The following ARHGAP24 variants were observed in gnomAD, a reference collection of about 807,000 sequenced individuals.
The protein encoded by ARHGAP24 is rho GTPase-activating protein 24.
ARHGAP24 carries 50 observed loss-of-function variants against 76.4 expected under a neutral mutation model. The ratio of observed to expected loss-of-function variants is 0.65; its 90% CI spans 0.52 to 0.83. The LOEUF (loss-of-function observed/expected upper bound fraction) is 0.83. Among genes scored for constraint, ARHGAP24 ranks in the 40% least tolerant of loss-of-function variants. The pLI is 0.00. For missense variants in ARHGAP24, 930 were observed against 914.2 expected (o/e 1.02, Z -0.22); for synonymous variants, 345 against 323.3 (o/e 1.07, Z -0.72).
At chr4:85,746,716 T>C (rs1457262580) in intron 3 of ARHGAP24, among the ~76,000 whole-genome samples, 1 of 152,156 alleles carries the variant, frequency 6.6e-6, no homozygotes, top group East Asian at 1.9e-4. Flanking sequence ...AGTTGTGCGA[T>C]CTCGGCTCAC....
chr4:85,729,555 G>C (rs1355866692), intron 3 of ARHGAP24, among the ~76,000 whole-genome samples: 3 of 152,176 alleles, frequency 2.0e-5, no homozygotes, highest in Non-Finnish European at 4.4e-5. Context: ...CCTATGAGGA[G>C]TGAGTGTCCT....
chr4:85,603,118 A>T (rs28416247), intron 2 of ARHGAP24, among the ~76,000 whole-genome samples: 1,718 of 152,362 alleles, frequency 0.011, 37 homozygotes, highest in African/African-American at 0.039. Flanking sequence ...GTAAACAAAT[A>T]AATATGTTTC....
intron 2 of ARHGAP24, among the ~76,000 whole-genome samples, chr4:85,716,234 C>A (rs1724728995): frequency 6.6e-6 from 1 of 152,064 alleles, no homozygotes; most frequent in Admixed American, 6.6e-5. Flanking sequence ...GGTTTTGGCT[C>A]AGTGATCTGG....
At chr4:85,621,002 G>C (rs929646585) in intron 2 of ARHGAP24, among the ~76,000 whole-genome samples, 1 of 151,800 alleles carries the variant, frequency 6.6e-6, no homozygotes, top group Non-Finnish European at 1.5e-5. Flanking sequence ...CCAATATTTA[G>C]CTCCCACTTG....
At chr4:85,641,900 T>C (rs946074799) in intron 2 of ARHGAP24, among the ~76,000 whole-genome samples, 5 of 152,174 alleles carry the variant, frequency 3.3e-5, no homozygotes, top group Non-Finnish European at 5.9e-5. Context: ...TTATGGAGAC[T>C]TCATTAGAGA....
In ARHGAP24 at chr4:85,714,397, A is replaced by C. The variant is rs183949200; in HGVS notation, c.181-7488A>C. 3.9e-5 allele frequency among the ~76,000 whole-genome samples: 6 copies of C among 152,282 alleles called. No homozygotes were observed. The East Asian group carries it at 1.2e-3, about 29-fold the overall frequency. ...TTAAATAATATAATGAAAACACTTT[A>C]AAATTAAATGAGCCCAGAATGATAA... On this transcript the variant is annotated intron_variant, in intron 2 of 9. Transcript: ENST00000395184.
chr4:85,862,310 G>C (rs1325379708), intron 3 of ARHGAP24, among the ~76,000 whole-genome samples: 2 of 152,030 alleles, frequency 1.3e-5, no homozygotes, highest in East Asian at 3.9e-4. Context: ...GGGAAATGAT[G>C]TACAGAAATT....
chr4:85,640,055 A>G lies in ARHGAP24; in HGVS notation c.180+69334A>G, dbSNP rs575609982. On this transcript the variant is annotated intron_variant, in intron 2 of 9. Coordinates refer to ENST00000395184, the MANE Select transcript of ARHGAP24 (RefSeq NM_001025616.3). ...TGAGTTAGCCAATCCCTGAAGACAG[A>G]AATGGACTGCCCCTGGAGCATGTTT... 1.1e-4 allele frequency among the ~76,000 whole-genome samples: 16 copies of G among 152,250 alleles called. No homozygotes were observed. The South Asian group carries it at 3.3e-3, about 32-fold the overall frequency.
intron 3 of ARHGAP24, among the ~76,000 whole-genome samples, chr4:85,738,696 A>G (rs1000460009): frequency 4.6e-5 from 7 of 152,118 alleles, no homozygotes; most frequent in African/African-American, 1.7e-4. Context: ...TCTTACATTT[A>G]TGTCTATTAT....
At chr4:85,689,637 C>T (rs180706828) in intron 2 of ARHGAP24, among the ~76,000 whole-genome samples, 3 of 152,280 alleles carry the variant, frequency 2.0e-5, no homozygotes, top group African/African-American at 4.8e-5. Flanking sequence ...GATCTGCCCT[C>T]CTCAGCCTCC....
intron 1 of ARHGAP24, among the ~76,000 whole-genome samples, chr4:85,543,641 T>C (rs1212718709): frequency 6.6e-6 from 1 of 152,208 alleles, no homozygotes; most frequent in Non-Finnish European, 1.5e-5. Flanking sequence ...ATAGTGTTAA[T>C]AATATGATTA....
At chr4:85,627,756 A>G (rs1020908885) in intron 2 of ARHGAP24, among the ~76,000 whole-genome samples, 1 of 152,132 alleles carries the variant, frequency 6.6e-6, no homozygotes, top group Non-Finnish European at 1.5e-5. Flanking sequence ...TTACCTAATC[A>G]AACAACTAAC....
Position 85,851,002 on chromosome 4 carries a change from C to G in ARHGAP24, c.269-72646C>G, listed in dbSNP as rs575812383. On this transcript the variant is annotated intron_variant, in intron 3 of 9. Transcript: ENST00000395184. ...GAGCTGAGTTCAAGTCCTGGATATC[C>G]TTGTTAACCTTCTGTCTCGTTGATC... 2.2e-4 allele frequency among the ~76,000 whole-genome samples: 34 copies of G among 152,192 alleles called. 1 individual carries two copies. The highest frequency in any genetic ancestry group is 7.0e-4 in the African/African-American group (29 of 41,512).
intron 3 of ARHGAP24, among the ~76,000 whole-genome samples, chr4:85,867,629 G>C (rs1420808535): frequency 2.0e-5 from 3 of 151,656 alleles, no homozygotes; most frequent in Non-Finnish European, 4.4e-5. Flanking sequence ...GAAAAAAGTG[G>C]AAATATAATA....
Position 86,000,926 on chromosome 4 carries a change from C to A in ARHGAP24, c.*204C>A. 1 of 710,482 alleles carries A rather than the reference C, an allele frequency of 1.4e-6. No homozygotes were observed. 44.0% of individuals were successfully genotyped at this position (710,482 alleles called of 1,614,324 possible). ...CCCATAATGCTACTGTCAAGTGTTACAACTGGATATGTGTATATAGAGTAG... is the reference window on the plus strand; with the variant it reads ...CCCATAATGCTACTGTCAAGTGTTAAAACTGGATATGTGTATATAGAGTAG... On this transcript the variant is annotated 3_prime_UTR_variant, in exon 10 of 10. Coordinates refer to ENST00000395184, the MANE Select transcript of ARHGAP24 (RefSeq NM_001025616.3).
intron 3 of ARHGAP24, among the ~76,000 whole-genome samples, chr4:85,804,136 C>T (rs1322112974): frequency 2.0e-5 from 3 of 151,640 alleles, no homozygotes; most frequent in East Asian, 1.9e-4. Flanking sequence ...CCTTAAATAG[C>T]GTTTTATAGA....
chr4:85,755,995 C>G (rs1317497347), intron 3 of ARHGAP24, among the ~76,000 whole-genome samples: 1 of 151,916 alleles, frequency 6.6e-6, no homozygotes, highest in African/African-American at 2.4e-5. Context: ...GTTCATGTCC[C>G]CCTCTAGCAA....
intron 3 of ARHGAP24, among the ~76,000 whole-genome samples, chr4:85,758,126 G>A (rs1281557115): frequency 2.0e-5 from 3 of 152,152 alleles, no homozygotes; most frequent in Admixed American, 2.0e-4. Flanking sequence ...ATACAATGGC[G>A]TCAGTGATCT....
intron 2 of ARHGAP24, among the ~76,000 whole-genome samples, chr4:85,691,195 C>T (rs1270305889): frequency 2.6e-5 from 4 of 151,756 alleles, no homozygotes; most frequent in East Asian, 1.9e-4. Context: ...TTTATTGTAC[C>T]ATGGCCTGAG....
Sources: gnomAD v4.1 joint callset for allele counts (sites outside exome capture counted in the v4.1 genomes callset) on GRCh38, gnomAD v4.1.1 for gene constraint, MANE v1.5 for transcripts, NCBI Gene and HGNC (gene_info 2026-07-23, HGNC 2026-07-21) for gene names.